Variants in FBXW10 observed in about 807,000 individuals in gnomAD.
FBXW10 encodes F-box/WD repeat-containing protein 10.
Under a neutral mutation model 113.1 loss-of-function variants are expected in FBXW10, and 68 were observed. That is an observed-to-expected ratio of 0.60 (90% CI 0.49 to 0.74). The LOEUF (loss-of-function observed/expected upper bound fraction) is 0.74, where lower values mean the gene tolerates loss of function less well. Among genes scored for constraint, FBXW10 ranks in the 30% least tolerant of loss-of-function variants. FBXW10 has a pLI of 0.00. For synonymous variants in FBXW10, 289 were observed against 481.6 expected (o/e 0.60, Z 5.24); for missense variants, 753 against 1,284.5 (o/e 0.59, Z 6.32).
intron 12 of FBXW10, among the ~76,000 whole-genome samples, chr17:18,774,840 T>C (rs775381414): frequency 6.6e-6 from 1 of 152,154 alleles, no homozygotes; most frequent in East Asian, 1.9e-4. Context: ...ATGTATTGTA[T>C]ATTTCAAAAT....
Position 18,768,551 on chromosome 17 carries a change from G to A in FBXW10, c.1722G>A (p.Glu574=). The A allele has an allele frequency of 1.9e-6, 3 of 1,614,126 alleles. No individual in the cohort carries two copies. In the African/African-American group the frequency reaches 4.0e-5, roughly 22 times the overall value. The change falls in exon 10 of 14, where the codon GAG becomes GAA. Residue 574 remains glutamate, a synonymous_variant. Transcript: ENST00000395665. Reference sequence around the variant, plus strand: ...TCTTGCAGACTCTCAGTGGCCATGAGGGAGCCGTGAAATGCCTGTTCTTTG... The same window carrying A: ...TCTTGCAGACTCTCAGTGGCCATGAAGGAGCCGTGAAATGCCTGTTCTTTG... The part of the protein sequence containing the change: ...AQLVKTLSGH[E]GAVKCLFFDQ...
intron 7 of FBXW10, among the ~76,000 whole-genome samples, chr17:18,762,018 A>C (rs1194614908): frequency 1.3e-5 from 2 of 150,810 alleles, no homozygotes; most frequent in Non-Finnish European, 3.0e-5. Context: ...GCTAGAGTGC[A>C]GTAGTGCGAT....
At chr17:18,768,026 T>TCCTTCCTTC (rs2035533078) in intron 9 of FBXW10, among the ~76,000 whole-genome samples, 1 of 135,680 alleles carries the variant, frequency 7.4e-6, no homozygotes, top group Non-Finnish European at 1.6e-5. Flanking sequence ...TTCCTTCCTT[T>TCCTTCCTTC]CTTCCTTCCT....
chr17:18,769,288 T>C (rs1193249578), intron 10 of FBXW10, among the ~76,000 whole-genome samples: 1 of 152,152 alleles, frequency 6.6e-6, no homozygotes, highest in Admixed American at 6.5e-5. Flanking sequence ...AGCATGACTA[T>C]TGTATAAGTA....
rs955745847 is a variant in FBXW10, at chr17:18,754,907, G to T, written c.1123-1138G>T. ...TAATGAGAACATTTTGTGGGGCAAG[G>T]GATCTACTTTGTAAGGCAGCTACAA... On this transcript the variant is annotated intron_variant, in intron 5 of 13. Transcript: ENST00000395665. Among the ~76,000 whole-genome samples the T allele has an allele frequency of 1.1e-4, 16 of 152,288 alleles. No individual in the cohort carries two copies. The East Asian group carries it at 1.9e-3, about 18-fold the overall frequency.
At chr17:18,751,105 T>C (rs751979001) in intron 5 of FBXW10, 52 bp downstream of exon 5, 4 of 1,611,138 alleles carry the variant, frequency 2.5e-6, no homozygotes, top group Non-Finnish European at 3.4e-6. Context: ...TCATTCTAAT[T>C]GTCATTGAAG....
rs1291556477 is a variant in FBXW10, at chr17:18,744,585, TAGAAC to T, written c.346_350del (p.Gln116AspfsTer65). ...TTGAACCAAATGTTGGATAAAACAG[TAGAAC>T]AGAAGATGAAAGAGATCTTGTACTG... is the stretch of plus-strand genomic sequence containing the variant. On this transcript the variant is annotated frameshift_variant, in exon 1 of 14. Coordinates refer to ENST00000395665, the MANE Select transcript of FBXW10 (RefSeq NM_001267585.2). LOFTEE classifies it high-confidence loss of function. 2 of 1,613,814 alleles carry T rather than the reference TAGAAC, an allele frequency of 1.2e-6. No homozygotes were observed. The highest frequency in any genetic ancestry group is 4.5e-5 in the East Asian group (2 of 44,898).
At chr17:18,773,643 T>C (rs2035655593) in intron 12 of FBXW10, among the ~76,000 whole-genome samples, 1 of 152,194 alleles carries the variant, frequency 6.6e-6, no homozygotes, top group Non-Finnish European at 1.5e-5. Flanking sequence ...TCCACAGATC[T>C]ATAGAGAACA....
At chr17:18,778,277 A>C (rs1264767842) in intron 13 of FBXW10, among the ~76,000 whole-genome samples, 198 bp from the exon 14 acceptor site, 1 of 152,064 alleles carries the variant, frequency 6.6e-6, no homozygotes, top group Non-Finnish European at 1.5e-5. Flanking sequence ...ACAAACAAAA[A>C]AATTTGTTTT....
intron 1 of FBXW10, among the ~76,000 whole-genome samples, chr17:18,746,285 G>A (rs191324981): frequency 8.3e-4 from 127 of 152,264 alleles, no homozygotes; most frequent in African/African-American, 3.0e-3. Flanking sequence ...TATCCAAACT[G>A]TATCAGGAGG....
chr17:18,771,817 T>C (rs2035617895), intron 11 of FBXW10, among the ~76,000 whole-genome samples: 1 of 152,112 alleles, frequency 6.6e-6, no homozygotes, highest in African/African-American at 2.4e-5. Flanking sequence ...TTAAAAGCAT[T>C]TTAACTTGAG....
At chr17:18,768,699 G>A (rs752981304) in intron 10 of FBXW10, 23 bp downstream of exon 10, 1 of 1,612,836 alleles carries the variant, frequency 6.2e-7, no homozygotes, top group African/African-American at 1.3e-5. Context: ...GAAGCCCGGA[G>A]CGATGAACCT....
At chr17:18,756,819 G>T (rs1320279070) in intron 6 of FBXW10, among the ~76,000 whole-genome samples, 1 of 152,132 alleles carries the variant, frequency 6.6e-6, no homozygotes, top group Admixed American at 6.6e-5. Context: ...ACAAGGTTTT[G>T]CAAAGTCCAC....
chr17:18,759,761 C>T (rs11867536), intron 7 of FBXW10, among the ~76,000 whole-genome samples: 9,431 of 151,930 alleles, frequency 0.062, 274 homozygotes, highest in South Asian at 0.11. Context: ...TACAGGGGCC[C>T]GCCACCACAC....
At chr17:18,764,201 T>A (rs1387924844) in intron 7 of FBXW10, among the ~76,000 whole-genome samples, 2 of 69,876 alleles carry the variant, frequency 2.9e-5, no homozygotes, top group African/African-American at 1.1e-4. Context: ...GTAAATACTC[T>A]TTTTTTTTTT....
At chr17:18,746,345 G>A (rs1275345151) in intron 1 of FBXW10, among the ~76,000 whole-genome samples, 1 of 152,130 alleles carries the variant, frequency 6.6e-6, no homozygotes. Context: ...TCCAACATGG[G>A]GAAGCTCAGA....
Position 18,744,681 on chromosome 17 carries a change from C to T in FBXW10, c.437C>T (p.Pro146Leu), listed in dbSNP as rs780972225. 11 of 1,613,764 alleles carry T rather than the reference C, an allele frequency of 6.8e-6. No homozygotes were observed. Among genetic ancestry groups the T allele is most frequent in the South Asian group, 1.1e-5 (1 of 91,056 alleles). The change falls in exon 1 of 14, where the codon CCC becomes CTC. Residue 146 changes from proline (P) to leucine (L), a missense_variant. By Grantham distance (98) the Pro-to-Leu change is moderately conservative. Transcript: ENST00000395665. ...CTCTTACTGCTGCAGATGTGCAACC[C>T]CAAATTACTGCTCACTGCTGCCAAT... The part of the protein sequence containing the change: ...YTLLLLQMCN[P>L]KLLLTAANVI...
chr17:18,770,549 G>A (rs1421749010), intron 11 of FBXW10, among the ~76,000 whole-genome samples: 8 of 151,842 alleles, frequency 5.3e-5, no homozygotes, highest in African/African-American at 1.7e-4. Context: ...TGATCCACCC[G>A]TCACGGCCTT....
chr17:18,762,442 C>T (rs545198601), intron 7 of FBXW10, among the ~76,000 whole-genome samples: 52 of 151,792 alleles, frequency 3.4e-4, no homozygotes, highest in Admixed American at 5.9e-4. Flanking sequence ...CTCAGCCTCC[C>T]GAGTAGCTGG....
Sources: allele counts gnomAD v4.1 joint callset (sites outside exome capture counted in the v4.1 genomes callset), GRCh38; gene constraint gnomAD v4.1.1; transcripts MANE v1.5; gene names NCBI Gene and HGNC (gene_info 2026-07-23, HGNC 2026-07-21).